The following RFT1 variants were observed in gnomAD, a reference collection of about 807,000 sequenced individuals.
The protein encoded by RFT1 is man(5)GlcNAc(2)-PP-dolichol translocation protein RFT1.
In RFT1, 43 loss-of-function variants were observed where a neutral mutation model predicts 62.2. That is an observed-to-expected ratio of 0.69 (90% CI 0.54 to 0.89). The LOEUF (loss-of-function observed/expected upper bound fraction) is 0.89, where lower values mean the gene tolerates loss of function less well. Among genes scored for constraint, RFT1 ranks in the 40% least tolerant of loss-of-function variants. The pLI is 0.00. For synonymous variants in RFT1, 262 were observed against 264.6 expected, an observed-to-expected ratio of 0.99 and a Z score of 0.10; for missense variants, 605 against 649.9, an observed-to-expected ratio of 0.93 and a Z score of 0.75.
rs6809973 is a variant in RFT1, at chr3:53,126,200, T to C, written c.64-206A>G. Among the ~76,000 whole-genome samples the C allele has an allele frequency of 0.26, 40,025 of 152,094 alleles. 5,663 individuals carry two copies. Among genetic ancestry groups the C allele is most frequent in the Middle Eastern group, 0.4 (117 of 294 alleles). ...GGGATCTCTCAGCACTCCCGTGCAGTAGTCAAAGAACCCAGGAAGGCACTT... is the reference window on the plus strand; with the variant it reads ...GGGATCTCTCAGCACTCCCGTGCAGCAGTCAAAGAACCCAGGAAGGCACTT... On this transcript the variant is annotated intron_variant, in intron 1 of 12. Coordinates refer to ENST00000296292, the MANE Select transcript of RFT1 (RefSeq NM_052859.4).
chr3:53,122,334 A>C (rs1175535157), intron 4 of RFT1, 40 bp downstream of exon 4: 6 of 1,589,046 alleles, frequency 3.8e-6, no homozygotes, highest in Non-Finnish European at 5.2e-6. Context: ...GCTTTTTCTT[A>C]TTCTTCCCAT....
At chr3:53,108,049 T>C (rs527479771) in intron 7 of RFT1, among the ~76,000 whole-genome samples, 2 of 152,280 alleles carry the variant, frequency 1.3e-5, no homozygotes, top group East Asian at 3.9e-4. Flanking sequence ...AGTTTTGTTT[T>C]GTTGTGGTTG....
the RFT1 span, among the ~76,000 whole-genome samples, chr3:53,069,711 GC>G: frequency 6.6e-6 from 1 of 152,128 alleles, no homozygotes; most frequent in Admixed American, 6.5e-5. Flanking sequence ...CTTAGCCCCT[GC>G]CCCCCAGCTC....
In RFT1 at chr3:53,099,305, A is replaced by G. The variant is rs552955120; in HGVS notation, c.1208+76T>C. 196 of 1,264,048 alleles carry G rather than the reference A, an allele frequency of 1.6e-4. No homozygotes were observed. The African/African-American group carries it at 2.5e-3, about 16-fold the overall frequency. 78.3% of individuals were successfully genotyped at this position (1,264,048 alleles called of 1,614,324 possible). A position where few individuals can be genotyped will look rare whatever the true frequency, so the allele number is the denominator to read the frequency against. On this transcript the variant is annotated intron_variant, in intron 11 of 12. Coordinates refer to ENST00000296292, the MANE Select transcript of RFT1 (RefSeq NM_052859.4). The stretch of plus-strand genomic sequence containing the variant: ...CATCTGTAAATGCATGTTCAGAACG[A>G]AAAGCAAAAAGCTTGACAAGTTATT...
At chr3:53,076,188 T>C in the RFT1 span, among the ~76,000 whole-genome samples, 1 of 152,232 alleles carries the variant, frequency 6.6e-6, no homozygotes, top group East Asian at 1.9e-4. Context: ...GGCAGGCGGT[T>C]GGCCCTTGAG....
intron 1 of RFT1, among the ~76,000 whole-genome samples, chr3:53,127,939 T>C (rs1702156500): frequency 6.6e-6 from 1 of 152,128 alleles, no homozygotes; most frequent in African/African-American, 2.4e-5. Context: ...CTGAAGTGTC[T>C]ACAGTGTAAT....
intron 6 of RFT1, among the ~76,000 whole-genome samples, chr3:53,116,455 A>G: frequency 6.6e-6 from 1 of 151,922 alleles, no homozygotes; most frequent in East Asian, 1.9e-4. Context: ...CACCATGCCC[A>G]GCTAAATTTT....
chr3:53,092,652 G>A, intron 11 of RFT1, 34 bp from the exon 12 acceptor site: 11 of 1,598,490 alleles, frequency 6.9e-6, no homozygotes, highest in Non-Finnish European at 9.4e-6. Flanking sequence ...GGGCAGTGGT[G>A]ACCTTGCCCT....
chr3:53,121,629 G>T, intron 5 of RFT1, 70 bp downstream of exon 5: 2 of 1,244,004 alleles, frequency 1.6e-6, no homozygotes, highest in Non-Finnish European at 2.3e-6. Context: ...CCACACGGCG[G>T]TGGGAACAAG....
In RFT1 at chr3:53,091,725, T is replaced by G; in HGVS notation, c.*178A>C. 1.5e-6 allele frequency: 1 copy of G among 679,916 alleles called. No individual in the cohort carries two copies. The highest frequency in any genetic ancestry group is 2.7e-6 in the Non-Finnish European group (1 of 377,224). 42.1% of individuals were successfully genotyped at this position (679,916 alleles called of 1,614,324 possible). The stretch of plus-strand genomic sequence containing the variant: ...TTAAAAATGAAACTCCCCCCCCGCA[T>G]TTCAGACTTCGAATGGTCACAGGTG... On this transcript the variant is annotated 3_prime_UTR_variant, in exon 13 of 13. Coordinates refer to ENST00000296292, the MANE Select transcript of RFT1 (RefSeq NM_052859.4).
the RFT1 span, among the ~76,000 whole-genome samples, chr3:53,072,216 T>A: frequency 1.3e-5 from 2 of 152,080 alleles, no homozygotes; most frequent in Non-Finnish European, 2.9e-5. Flanking sequence ...CAGGAGGTCG[T>A]CTCTACATGA....
intron 7 of RFT1, among the ~76,000 whole-genome samples, chr3:53,109,814 T>A (rs1701596233): frequency 6.6e-6 from 1 of 151,922 alleles, no homozygotes; most frequent in Non-Finnish European, 1.5e-5. Flanking sequence ...AGACCCTATC[T>A]ACAAAAACAA....
intron 7 of RFT1, among the ~76,000 whole-genome samples, chr3:53,111,132 G>A (rs1701635917): frequency 6.6e-6 from 1 of 152,166 alleles, no homozygotes; most frequent in South Asian, 2.1e-4. Flanking sequence ...ATGATAAAAA[G>A]GCTGGGTGTG....
the RFT1 span, among the ~76,000 whole-genome samples, chr3:53,068,518 C>T: frequency 6.6e-6 from 1 of 152,216 alleles, no homozygotes; most frequent in Non-Finnish European, 1.5e-5. Flanking sequence ...ATTCTGTCCA[C>T]TTTACAGGTG....
chr3:53,103,773 C>T, intron 10 of RFT1, 180 bp downstream of exon 10: 1 of 760,850 alleles, frequency 1.3e-6, no homozygotes, highest in Non-Finnish European at 2.3e-6. Context: ...ACGCCCCTGC[C>T]TATACCTTGA....
the RFT1 span, among the ~76,000 whole-genome samples, chr3:53,068,464 G>A: frequency 6.6e-6 from 1 of 152,244 alleles, no homozygotes; most frequent in Non-Finnish European, 1.5e-5. Context: ...CTGTCCATGG[G>A]TGGGTTCCTT....
intron 6 of RFT1, among the ~76,000 whole-genome samples, chr3:53,113,578 A>G (rs141254567): frequency 6.6e-6 from 1 of 152,348 alleles, no homozygotes; most frequent in East Asian, 1.9e-4. Flanking sequence ...TCCAGTAGAA[A>G]TGTAATGTTA....
chr3:53,095,047 C>T (rs890659180), intron 11 of RFT1, among the ~76,000 whole-genome samples: 5 of 150,370 alleles, frequency 3.3e-5, no homozygotes, highest in Non-Finnish European at 1.5e-5. Context: ...GCGGGTAGAT[C>T]GCGAGGTCAA....
intron 7 of RFT1, among the ~76,000 whole-genome samples, chr3:53,107,143 T>TG (rs1701504333): frequency 6.6e-6 from 1 of 151,310 alleles, no homozygotes; most frequent in African/African-American, 2.4e-5. Flanking sequence ...AAGGTTTTTT[T>TG]TTTTTTTTTT....
Sources: gnomAD v4.1 joint callset for allele counts (sites outside exome capture counted in the v4.1 genomes callset) on GRCh38, gnomAD v4.1.1 for gene constraint, MANE v1.5 for transcripts, NCBI Gene and HGNC (gene_info 2026-07-23, HGNC 2026-07-21) for gene names.